Variants in SLA observed in about 807,000 individuals in gnomAD.
SLA encodes Src like adaptor, also known as src-like-adapter.
A neutral mutation model predicts 30.3 loss-of-function variants in SLA; 16 were observed. The ratio of observed to expected loss-of-function variants is 0.53; its 90% CI spans 0.36 to 0.80. SLA has a LOEUF of 0.80. SLA is among the 30% of genes least tolerant of loss of function. The pLI is 0.01. For missense variants in SLA, 310 were observed against 345.2 expected (o/e 0.90, Z 0.81); for synonymous variants, 143 against 137.8 (o/e 1.04, Z -0.26).
chr8:133,047,584 G>T, intron 6 of SLA: 1 of 530,160 alleles, frequency 1.9e-6, no homozygotes, highest in East Asian at 3.4e-5. Context: ...TTTCCAGCAG[G>T]AGTCATCAGG....
intron 3 of SLA, among the ~76,000 whole-genome samples, chr8:133,051,294 G>C (rs1316622431): frequency 1.3e-5 from 2 of 152,152 alleles, no homozygotes; most frequent in African/African-American, 4.8e-5. Context: ...GTCCTTAGGA[G>C]AGGAGATGAG....
At chr8:133,040,336 C>G in intron 7 of SLA, 1 of 579,362 alleles carries the variant, frequency 1.7e-6, no homozygotes, top group Non-Finnish European at 3.1e-6. Flanking sequence ...CCCTGGTATA[C>G]TCTGCACTTA....
chr8:133,050,607 G>T (rs1840220676), intron 4 of SLA: 2 of 493,090 alleles, frequency 4.1e-6, no homozygotes, highest in Non-Finnish European at 7.2e-6. Flanking sequence ...ATTTAAATTT[G>T]ATCTACCAGG....
At chr8:133,073,899 A>G (rs1844461399) in intron 2 of SLA, among the ~76,000 whole-genome samples, 1 of 151,876 alleles carries the variant, frequency 6.6e-6, no homozygotes, top group Non-Finnish European at 1.5e-5. Context: ...AACAATCACA[A>G]TCCTATAGGA....
chr8:133,039,394 G>A (rs1837729400), intron 8 of SLA, among the ~76,000 whole-genome samples: 1 of 152,166 alleles, frequency 6.6e-6, no homozygotes. Flanking sequence ...ACAAGAAAGA[G>A]CAGTTTTCTT....
Position 133,036,805 on chromosome 8 carries a change from C to T in SLA, c.*1719G>A, listed in dbSNP as rs1416913273. 1 of 152,674 alleles carries T rather than the reference C, an allele frequency of 6.5e-6. No individual in the cohort carries two copies. Among genetic ancestry groups the T allele is most frequent in the Non-Finnish European group, 1.5e-5 (1 of 68,058 alleles). 9.5% of individuals were successfully genotyped at this position (152,674 alleles called of 1,614,324 possible). A position where few individuals can be genotyped will look rare whatever the true frequency, so the allele number is the denominator to read the frequency against. On this transcript the variant is annotated 3_prime_UTR_variant, in exon 9 of 9. Coordinates refer to ENST00000338087, the MANE Select transcript of SLA (RefSeq NM_001045556.3). The stretch of plus-strand genomic sequence containing the variant: ...ATTTAGCAAAGTGTAATGCTTCCCA[C>T]TGAGAAATCCCTCTGGGTGCTCCCC...
chr8:133,090,446 G>A (rs1847313473), intron 1 of SLA, among the ~76,000 whole-genome samples: 1 of 152,202 alleles, frequency 6.6e-6, no homozygotes, highest in South Asian at 2.1e-4. Flanking sequence ...AAGCACCTTG[G>A]CCCGTGTGTG....
At chr8:133,073,155 G>T (rs1426379603) in intron 2 of SLA, 2 of 152,204 alleles carry the variant, frequency 1.3e-5, no homozygotes, top group Non-Finnish European at 2.9e-5. Context: ...GAGTCACAGA[G>T]TTCTTTGGTG....
chr8:133,089,095 G>T (rs148456530), intron 1 of SLA, among the ~76,000 whole-genome samples: 122 of 152,278 alleles, frequency 8.0e-4, no homozygotes, highest in Middle Eastern at 6.8e-3. Context: ...TGCGAGGGTG[G>T]AGACATGGCA....
At chr8:133,092,043 C>A (rs776863725) in intron 1 of SLA, among the ~76,000 whole-genome samples, 15 of 152,180 alleles carry the variant, frequency 9.9e-5, no homozygotes, top group Non-Finnish European at 1.8e-4. Flanking sequence ...CCTGGTGCTG[C>A]TTTAAAACAA....
intron 4 of SLA, chr8:133,050,564 G>A: frequency 2.4e-6 from 1 of 422,262 alleles, no homozygotes; most frequent in Non-Finnish European, 4.3e-6. Flanking sequence ...GAAGAGGCTG[G>A]ATCATAAAGG....
intron 1 of SLA, among the ~76,000 whole-genome samples, chr8:133,095,677 A>C (rs1015083183): frequency 5.9e-5 from 9 of 152,178 alleles, no homozygotes; most frequent in Non-Finnish European, 1.0e-4. Flanking sequence ...TAGCATGCAA[A>C]GTTCTTGCTT....
intron 2 of SLA, among the ~76,000 whole-genome samples, chr8:133,068,787 G>A (rs1469081709): frequency 1.3e-5 from 2 of 152,240 alleles, no homozygotes; most frequent in Non-Finnish European, 2.9e-5. Flanking sequence ...AATAAAAAGA[G>A]CCCATTTCTT....
At chr8:133,094,393 A>T (rs186692287) in intron 1 of SLA, among the ~76,000 whole-genome samples, 3 of 151,918 alleles carry the variant, frequency 2.0e-5, no homozygotes, top group Admixed American at 6.6e-5. Flanking sequence ...GGCGCCCGTC[A>T]CCACGCCTGG....
intron 2 of SLA, among the ~76,000 whole-genome samples, chr8:133,067,193 G>A (rs1843157982): frequency 2.6e-5 from 4 of 152,128 alleles, no homozygotes; most frequent in African/African-American, 4.8e-5. Context: ...GCACCTCTCT[G>A]AGTGCGAGGC....
At position 133,099,613 on chromosome 8, in the gene SLA, G is replaced by A. The variant is rs541603039; in HGVS notation, c.-319+2940C>T. On this transcript the variant is annotated intron_variant, in intron 1 of 8. Coordinates refer to ENST00000338087, the MANE Select transcript of SLA (RefSeq NM_001045556.3). ...CATAACACACCCAAAGTGGACTGCC[G>A]ATTCCACCTCTGCTCCCATCCCCAA... 1.7e-4 allele frequency among the ~76,000 whole-genome samples: 26 copies of A among 152,256 alleles called. 1 individual carries two copies. The highest frequency in any genetic ancestry group is 1.0e-3 in the South Asian group (5 of 4,826).
intron 8 of SLA, among the ~76,000 whole-genome samples, chr8:133,039,312 C>G (rs1837718928): frequency 6.6e-6 from 1 of 152,194 alleles, no homozygotes; most frequent in African/African-American, 2.4e-5. Context: ...CTTAACCCGT[C>G]TGAACTGCTC....
intron 7 of SLA, among the ~76,000 whole-genome samples, chr8:133,042,931 C>T (rs905857611): frequency 2.0e-5 from 3 of 151,494 alleles, no homozygotes; most frequent in Non-Finnish European, 2.9e-5. Context: ...TGACCTCAGG[C>T]GATCCGCCCA....
At chr8:133,070,596 A>T (rs373425592) in intron 2 of SLA, among the ~76,000 whole-genome samples, 7 of 152,270 alleles carry the variant, frequency 4.6e-5, no homozygotes, top group African/African-American at 1.4e-4. Flanking sequence ...GAGGTAAGTA[A>T]TTTGCTCAGA....
Sources: allele counts gnomAD v4.1 joint callset (sites outside exome capture counted in the v4.1 genomes callset), GRCh38; gene constraint gnomAD v4.1.1; transcripts MANE v1.5; gene names NCBI Gene and HGNC (gene_info 2026-07-23, HGNC 2026-07-21).